The following PPHLN1 variants were observed in gnomAD, a reference collection of about 807,000 sequenced individuals.
PPHLN1 encodes the protein periphilin 1, also known as periphilin-1.
Under a neutral mutation model 51.3 loss-of-function variants are expected in PPHLN1, and 29 were observed. That is an observed-to-expected ratio of 0.57 (90% CI 0.42 to 0.77). The LOEUF is 0.77. Ranked by LOEUF, PPHLN1 falls within the 30% of genes least tolerant of loss-of-function variation. PPHLN1 has a pLI of 0.00. For missense variants in PPHLN1, 436 were observed against 438.4 expected, an observed-to-expected ratio of 0.99 and a Z score of 0.05; for synonymous variants, 147 against 147.8, an observed-to-expected ratio of 0.99 and a Z score of 0.04.
chr12:42,407,767 G>A (rs1619765), intron 9 of PPHLN1, among the ~76,000 whole-genome samples: 146,777 of 152,330 alleles, frequency 0.96, 70,975 homozygotes, highest in Middle Eastern at 1. Flanking sequence ...ATGTAATGCT[G>A]TGTAAATAAT....
At chr12:42,445,921 A>T (rs1000265291), downstream of PPHLN1, 7 of 1,452,304 alleles carry the variant, frequency 4.8e-6, no homozygotes, top group Non-Finnish European at 5.5e-6. Context: ...GCATGGTCCA[A>T]ATGTTTTGCT....
intron 4 of PPHLN1, among the ~76,000 whole-genome samples, chr12:42,357,050 G>C (rs986853228): frequency 6.6e-6 from 1 of 152,126 alleles, no homozygotes; most frequent in East Asian, 1.9e-4. Context: ...ACTGTAATGA[G>C]TGATAGGAAT....
At chr12:42,413,435 C>T (rs61926591) in intron 9 of PPHLN1, among the ~76,000 whole-genome samples, 1,655 of 151,668 alleles carry the variant, frequency 0.011, 18 homozygotes, top group Non-Finnish European at 0.018. Context: ...AAGTATTTGG[C>T]GTTATTTCTG....
chr12:42,417,404 G>A (rs2080487101), intron 9 of PPHLN1, among the ~76,000 whole-genome samples: 1 of 152,060 alleles, frequency 6.6e-6, no homozygotes, highest in Non-Finnish European at 1.5e-5. Context: ...GCTAAGAGTA[G>A]GGGGAAATGG....
At chr12:42,355,366 T>A in intron 4 of PPHLN1, 144 bp downstream of exon 4, 1 of 663,356 alleles carries the variant, frequency 1.5e-6, no homozygotes, top group Non-Finnish European at 2.6e-6. Flanking sequence ...ATATTCTTTT[T>A]GTGACTATGT....
intron 8 of PPHLN1, among the ~76,000 whole-genome samples, chr12:42,396,615 C>CAAAAACA (rs2078224223): frequency 1.2e-5 from 1 of 85,484 alleles, no homozygotes; most frequent in Non-Finnish European, 2.0e-5. Flanking sequence ...CTTGTCACTA[C>CAAAAACA]AAAAAAAAAA....
At position 42,433,164 on chromosome 12, in the gene PPHLN1, TCTC is replaced by T; in HGVS notation, c.910-8148_910-8146del. 5.2e-6 allele frequency: 4 copies of T among 769,580 alleles called. No individual in the cohort carries two copies. In the Admixed American group the frequency reaches 6.9e-5, roughly 13 times the overall value. The allele number at this position is 769,580 out of a possible 1,614,324, so 47.7% of individuals were successfully genotyped here. On this transcript the variant is annotated intron_variant, in intron 9 of 9. Transcript: ENST00000358314. ...AGCAGTATATTCAATGACATAAAAT[TCTC>T]CTTTCATCATCCAAACTTTAGCCAC...
intron 9 of PPHLN1, among the ~76,000 whole-genome samples, chr12:42,417,465 G>A (rs530087004): frequency 8.5e-5 from 13 of 152,204 alleles, no homozygotes; most frequent in East Asian, 1.9e-4. Flanking sequence ...TGAATTGGGC[G>A]TGCAAAGGGC....
chr12:42,437,459 C>A (rs1362781049), intron 9 of PPHLN1, among the ~76,000 whole-genome samples: 5 of 152,128 alleles, frequency 3.3e-5, no homozygotes, highest in African/African-American at 1.2e-4. Flanking sequence ...AACTCGGGCA[C>A]AAAAGTTAAG....
downstream of PPHLN1, among the ~76,000 whole-genome samples, chr12:42,442,447 C>T (rs541285364): frequency 3.3e-5 from 5 of 152,282 alleles, no homozygotes; most frequent in South Asian, 2.1e-4. Flanking sequence ...CAAAGGGGGG[C>T]GACAATGTTC....
chr12:42,447,558 A>G (rs2140062861), downstream of PPHLN1: 1 of 152,352 alleles, frequency 6.6e-6, no homozygotes, highest in South Asian at 2.1e-4. Context: ...TCAGCAGCCC[A>G]GCGGCATTGA....
At chr12:42,443,869 A>G (rs1476559272), downstream of PPHLN1, 1 of 152,200 alleles carries the variant, frequency 6.6e-6, no homozygotes, top group East Asian at 1.9e-4. Context: ...CAGGACAGAG[A>G]AAAATTTGCA....
intron 2 of PPHLN1, among the ~76,000 whole-genome samples, chr12:42,349,683 G>A (rs1351177374): frequency 6.6e-6 from 1 of 152,072 alleles, no homozygotes; most frequent in Non-Finnish European, 1.5e-5. Flanking sequence ...ATTTAACCCT[G>A]AGTTGACACA....
intron 9 of PPHLN1, among the ~76,000 whole-genome samples, chr12:42,413,806 G>A (rs546283444): frequency 6.6e-5 from 10 of 151,938 alleles, no homozygotes; most frequent in African/African-American, 9.7e-5. Context: ...CAAGTGATCC[G>A]CCCACCTCAG....
intron 4 of PPHLN1, among the ~76,000 whole-genome samples, chr12:42,372,167 A>G (rs1207708633): frequency 5.6e-5 from 8 of 142,714 alleles, no homozygotes; most frequent in Non-Finnish European, 1.5e-5. Context: ...GGCTAATATT[A>G]CCACTTTATC....
chr12:42,444,863 C>A, downstream of PPHLN1: 2 of 579,278 alleles, frequency 3.5e-6, no homozygotes, highest in Non-Finnish European at 6.1e-6. Context: ...TGCTTTTTAC[C>A]GATGGCTCTC....
intron 4 of PPHLN1, among the ~76,000 whole-genome samples, chr12:42,356,491 C>T (rs146242031): frequency 1.1e-4 from 17 of 152,226 alleles, no homozygotes; most frequent in African/African-American, 3.9e-4. Context: ...TTGTGGTCAC[C>T]TTAACCTATT....
intron 5 of PPHLN1, chr12:42,375,314 G>GT: frequency 6.6e-5 from 12 of 181,620 alleles, no homozygotes; most frequent in South Asian, 1.2e-4. Flanking sequence ...GCATGTAAAA[G>GT]GTTTTTTTTT....
At chr12:42,429,643 G>A (rs1473411112) in intron 9 of PPHLN1, among the ~76,000 whole-genome samples, 1 of 152,218 alleles carries the variant, frequency 6.6e-6, no homozygotes, top group African/African-American at 2.4e-5. Context: ...TTACTAGAAT[G>A]TAAAGTCCTT....
Sources: gnomAD v4.1 joint callset for allele counts (sites outside exome capture counted in the v4.1 genomes callset) on GRCh38, gnomAD v4.1.1 for gene constraint, MANE v1.5 for transcripts, NCBI Gene and HGNC (gene_info 2026-07-23, HGNC 2026-07-21) for gene names.